Variants in CSMD1 observed in about 807,000 individuals in gnomAD.
CSMD1 encodes CUB and Sushi multiple domains 1.
A neutral mutation model predicts 417.5 loss-of-function variants in CSMD1; 213 were observed. The observed-to-expected ratio is 0.51, with a 90% CI of 0.46 to 0.57. The LOEUF is 0.57. CSMD1 is among the 20% of genes least tolerant of loss of function. The pLI, the probability that CSMD1 is intolerant of heterozygous loss-of-function variation, is 0.00. For missense variants in CSMD1, 6,923 were observed against 4,529.7 expected (o/e 1.53, Z -15.17); for synonymous variants, 2,862 against 1,736.8 (o/e 1.65, Z -16.11).
At chr8:3,823,735 A>G (rs1168767087) in intron 5 of CSMD1, among the ~76,000 whole-genome samples, 1 of 152,144 alleles carries the variant, frequency 6.6e-6, no homozygotes, top group Non-Finnish European at 1.5e-5. Flanking sequence ...CCTTTTTAAC[A>G]CAAAGTAAAC....
intron 10 of CSMD1, among the ~76,000 whole-genome samples, chr8:3,498,495 G>A (rs1480618856): frequency 6.6e-6 from 1 of 152,122 alleles, no homozygotes; most frequent in African/African-American, 2.4e-5. Flanking sequence ...TTTGGCATTA[G>A]ATCTGTTTGG....
At chr8:3,553,151 C>T (rs568968213) in intron 10 of CSMD1, among the ~76,000 whole-genome samples, 8 of 151,664 alleles carry the variant, frequency 5.3e-5, no homozygotes, top group Admixed American at 2.6e-4. Context: ...GAAAGACCTA[C>T]TCTGAATATC....
chr8:4,925,550 T>G (rs1416226173), intron 1 of CSMD1, among the ~76,000 whole-genome samples: 2 of 151,600 alleles, frequency 1.3e-5, no homozygotes, highest in African/African-American at 4.8e-5. Flanking sequence ...TTTTTTTTCT[T>G]TTTTCTTTTT....
At chr8:3,930,260 A>C (rs1362645766) in intron 5 of CSMD1, among the ~76,000 whole-genome samples, 2 of 150,418 alleles carry the variant, frequency 1.3e-5, no homozygotes, top group Non-Finnish European at 3.0e-5. Flanking sequence ...CTCCCCATCT[A>C]ATTAGGAATA....
intron 2 of CSMD1, among the ~76,000 whole-genome samples, chr8:4,457,126 G>C (rs1292199855): frequency 6.6e-6 from 1 of 152,182 alleles, no homozygotes; most frequent in African/African-American, 2.4e-5. Flanking sequence ...TACTGTGAAA[G>C]AGTTATTCCT....
At position 4,683,100 on chromosome 8, in the gene CSMD1, A is replaced by G. The variant is rs1022476130; in HGVS notation, c.86-45542T>C. ...AATTTAGAAATTAAGAGAAGTTTCAATTTGTACTATTATTTACATGTAACT... is the reference window on the plus strand; with the variant it reads ...AATTTAGAAATTAAGAGAAGTTTCAGTTTGTACTATTATTTACATGTAACT... On this transcript the variant is annotated intron_variant, in intron 1 of 69. Transcript: ENST00000635120. Among the ~76,000 whole-genome samples the G allele has an allele frequency of 2.6e-5, 4 of 151,166 alleles. No individual in the cohort carries two copies. The East Asian group carries it at 7.8e-4, about 29-fold the overall frequency.
intron 40 of CSMD1, among the ~76,000 whole-genome samples, chr8:3,145,088 C>A (rs534130098): frequency 9.2e-5 from 14 of 151,362 alleles, no homozygotes; most frequent in African/African-American, 2.7e-4. Flanking sequence ...TCTGTGTGCA[C>A]GTGTGTTTGT....
intron 5 of CSMD1, among the ~76,000 whole-genome samples, chr8:3,988,515 T>C (rs563058518): frequency 6.7e-4 from 102 of 152,324 alleles, no homozygotes; most frequent in Admixed American, 1.5e-3. Flanking sequence ...AGCTGAACGA[T>C]TGTCAGAAAC....
chr8:3,811,552 C>T (rs955814387), intron 5 of CSMD1, among the ~76,000 whole-genome samples: 1 of 152,116 alleles, frequency 6.6e-6, no homozygotes, highest in Admixed American at 6.6e-5. Context: ...CTTTTCTCTG[C>T]ACGCCTGACC....
intron 5 of CSMD1, among the ~76,000 whole-genome samples, chr8:3,966,732 G>GACACACAC (rs34929035): frequency 1.0e-3 from 151 of 149,128 alleles, no homozygotes; most frequent in African/African-American, 3.1e-3. Context: ...CACACACACA[G>GACACACAC]ACACACACAC....
intron 5 of CSMD1, among the ~76,000 whole-genome samples, chr8:3,913,909 A>C (rs1808626211): frequency 6.6e-6 from 1 of 151,860 alleles, no homozygotes; most frequent in South Asian, 2.1e-4. Context: ...CAGCTGTATA[A>C]AGTCCAGTTT....
At chr8:4,467,120 A>T (rs1306983294) in intron 2 of CSMD1, among the ~76,000 whole-genome samples, 1 of 134,194 alleles carries the variant, frequency 7.5e-6, no homozygotes, top group Non-Finnish European at 1.6e-5. Flanking sequence ...GATTCTTCAG[A>T]GTAAAAAAAA....
chr8:4,958,292 C>G (rs533314707), intron 1 of CSMD1, among the ~76,000 whole-genome samples: 2 of 152,134 alleles, frequency 1.3e-5, no homozygotes, highest in East Asian at 1.9e-4. Context: ...TTTGACACAT[C>G]AATTTTTTTT....
At chr8:3,848,177 C>T (rs530886420) in intron 5 of CSMD1, among the ~76,000 whole-genome samples, 52 of 151,910 alleles carry the variant, frequency 3.4e-4, no homozygotes, top group Non-Finnish European at 6.0e-4. Flanking sequence ...GCATTTTTTA[C>T]AGGCAAAAGC....
chr8:3,224,411 A>G (rs1202435802), intron 27 of CSMD1, among the ~76,000 whole-genome samples: 2 of 152,192 alleles, frequency 1.3e-5, no homozygotes. Flanking sequence ...GATCTGAACA[A>G]GTGTTCAGGA....
chr8:4,876,989 G>A (rs967856378), intron 1 of CSMD1, among the ~76,000 whole-genome samples: 1 of 151,880 alleles, frequency 6.6e-6, no homozygotes, highest in African/African-American at 2.4e-5. Context: ...TATACAATAA[G>A]TATAATACAA....
At chr8:4,199,486 G>A (rs1411296778) in intron 3 of CSMD1, among the ~76,000 whole-genome samples, 2 of 152,132 alleles carry the variant, frequency 1.3e-5, no homozygotes, top group African/African-American at 2.4e-5. Flanking sequence ...AAGGCAAATA[G>A]GAATATGGTG....
intron 26 of CSMD1, among the ~76,000 whole-genome samples, chr8:3,263,692 T>C (rs1053228289): frequency 6.6e-6 from 1 of 152,244 alleles, no homozygotes; most frequent in Non-Finnish European, 1.5e-5. Flanking sequence ...AAGTGAATAC[T>C]GTTCACAATA....
At chr8:3,177,419 C>T (rs1349012379) in intron 37 of CSMD1, among the ~76,000 whole-genome samples, 1 of 152,174 alleles carries the variant, frequency 6.6e-6, no homozygotes, top group African/African-American at 2.4e-5. Context: ...AAACACAAAT[C>T]TTAAACCACT....
Sources: gnomAD v4.1 joint callset for allele counts (sites outside exome capture counted in the v4.1 genomes callset) on GRCh38, gnomAD v4.1.1 for gene constraint, MANE v1.5 for transcripts, NCBI Gene and HGNC (gene_info 2026-07-23, HGNC 2026-07-21) for gene names.